The following JADE1 variants were observed in gnomAD, a reference collection of about 807,000 sequenced individuals.
JADE1 encodes jade family PHD finger 1, also known as protein Jade-1.
JADE1 carries 14 observed loss-of-function variants against 81.8 expected under a neutral mutation model. The ratio of observed to expected loss-of-function variants is 0.17; its 90% CI spans 0.11 to 0.27. The LOEUF (loss-of-function observed/expected upper bound fraction) is 0.27. Ranked by LOEUF, JADE1 falls within the 10% of genes least tolerant of loss-of-function variation. The pLI is 1.00. For missense variants in JADE1, 690 were observed against 1,047.9 expected (o/e 0.66, Z 4.71); for synonymous variants, 353 against 391.9 (o/e 0.90, Z 1.17).
chr4:128,862,067 T>A lies in JADE1; in HGVS notation c.1345T>A (p.Phe449Ile). The stretch of plus-strand genomic sequence containing the variant: ...GCGGCTGCCTGAGGAAGTAGTGGAT[T>A]TCCTGTACCAGTACTGGAAGTTGAA... ...ALRLPEEVVD[F>I]LYQYWKLKRK... Residue 449 changes from phenylalanine (F) to isoleucine (I), a missense_variant, in exon 9 of 11, where the codon TTC (phenylalanine) becomes ATC (isoleucine). Physicochemically the swap from Phe to Ile is conservative, Grantham distance 21. Transcript: ENST00000226319. 1 of 1,614,146 alleles carries A rather than the reference T, an allele frequency of 6.2e-7. No individual in the cohort carries two copies. Among genetic ancestry groups the A allele is most frequent in the East Asian group, 2.2e-5 (1 of 44,878 alleles).
At chr4:128,823,236 A>G (rs1727741590) in intron 1 of JADE1, among the ~76,000 whole-genome samples, 1 of 152,218 alleles carries the variant, frequency 6.6e-6, no homozygotes, top group South Asian at 2.1e-4. Context: ...GAAGGGGTTT[A>G]ATAGATTGCC....
chr4:128,868,685 G>C (rs1731964210), intron 10 of JADE1, among the ~76,000 whole-genome samples: 1 of 152,130 alleles, frequency 6.6e-6, no homozygotes, highest in Non-Finnish European at 1.5e-5. Context: ...CTTAAAGTTT[G>C]TTTTAGAATC....
intron 2 of JADE1, among the ~76,000 whole-genome samples, chr4:128,833,549 G>A (rs1579143192): frequency 1.3e-5 from 2 of 152,094 alleles, no homozygotes; most frequent in Non-Finnish European, 2.9e-5. Context: ...CTAAAAATTA[G>A]CTGGGCATGA....
In JADE1 at chr4:128,861,842, C is replaced by A; in HGVS notation, c.1120C>A (p.Pro374Thr). ...YCPKHSSHRK[P>T]EESLGKGAAQ... ...CCCAAAGCACAGCTCACATAGGAAA[C>A]CCGAGGAGAGTCTTGGCAAGGGGGC... Residue 374 changes from proline to threonine, a missense_variant, in exon 9 of 11, where the codon CCC becomes ACC. Physicochemically the swap from Pro to Thr is conservative, Grantham distance 38 (BLOSUM62 -1). This residue lies in a region of JADE1 where 77 missense variants were observed against 76.4 expected (regional missense o/e 1.01). Transcript: ENST00000226319. The A allele has an allele frequency of 1.2e-6, 2 of 1,614,168 alleles. No individual in the cohort carries two copies. Among genetic ancestry groups the A allele is most frequent in the Middle Eastern group, 1.6e-4 (1 of 6,062 alleles).
At chr4:128,844,416 TCCAG>T (rs1175544939) in intron 3 of JADE1, among the ~76,000 whole-genome samples, 6 of 152,220 alleles carry the variant, frequency 3.9e-5, no homozygotes, top group African/African-American at 1.4e-4. Flanking sequence ...TACCAGAGAC[TCCAG>T]AGTTGACGTC....
intron 4 of JADE1, among the ~76,000 whole-genome samples, chr4:128,848,332 T>C (rs1408272275): frequency 6.6e-6 from 1 of 152,060 alleles, no homozygotes; most frequent in Non-Finnish European, 1.5e-5. Context: ...GCGTGTGCCA[T>C]CATACCTGGC....
intron 1 of JADE1, among the ~76,000 whole-genome samples, chr4:128,816,674 G>GA (rs970482596): frequency 1.4e-4 from 22 of 152,294 alleles, no homozygotes; most frequent in African/African-American, 5.1e-4. Context: ...TAATCCCTTA[G>GA]ACCCATAGTG....
At chr4:128,865,984 T>G (rs1303503359) in intron 9 of JADE1, among the ~76,000 whole-genome samples, 1 of 152,232 alleles carries the variant, frequency 6.6e-6, no homozygotes, top group East Asian at 1.9e-4. Flanking sequence ...TCCTTGTTAA[T>G]GTAAAAATGG....
At chr4:128,820,188 T>G (rs1269142141) in intron 1 of JADE1, among the ~76,000 whole-genome samples, 1 of 152,082 alleles carries the variant, frequency 6.6e-6, no homozygotes, top group Non-Finnish European at 1.5e-5. Flanking sequence ...CTTGGCTCAC[T>G]GCAACCTCCA....
At chr4:128,818,913 G>A (rs764857233) in intron 1 of JADE1, among the ~76,000 whole-genome samples, 21 of 152,050 alleles carry the variant, frequency 1.4e-4, no homozygotes, top group Non-Finnish European at 2.2e-4. Context: ...GTGCAGTGGT[G>A]TAAATTCCAG....
At chr4:128,831,939 C>A in intron 2 of JADE1, 129 bp downstream of exon 2, 1 of 816,226 alleles carries the variant, frequency 1.2e-6, no homozygotes, top group Non-Finnish European at 2.1e-6. Context: ...AAGCCAAAGC[C>A]TGGAGAAACG....
chr4:128,814,039 T>C (rs532060233), intron 1 of JADE1, among the ~76,000 whole-genome samples: 1 of 150,262 alleles, frequency 6.7e-6, no homozygotes, highest in East Asian at 2.0e-4. Flanking sequence ...TGTGTTCATT[T>C]AAAAGAAAAA....
chr4:128,824,713 G>A (rs1727891250), intron 1 of JADE1, among the ~76,000 whole-genome samples: 1 of 152,178 alleles, frequency 6.6e-6, no homozygotes, highest in Non-Finnish European at 1.5e-5. Context: ...ACATAGTATT[G>A]CATTGGGTGA....
chr4:128,852,068 C>G lies in JADE1; in HGVS notation c.496C>G (p.Leu166Val). The stretch of plus-strand genomic sequence containing the variant: ...ATTTTTAACTTCAGGAATGCCTGAA[C>G]TAGATGAATACACCATGGAGAGGGT... ...EEFKEMGMPE[L>V]DEYTMERVLE... The change falls in exon 6 of 11, where the codon CTA becomes GTA. Residue 166 changes from leucine to valine, a missense_variant. Leu to Val is a conservative substitution (Grantham distance 32, BLOSUM62 1). Around this residue, in one of 8 missense-constraint regions of JADE1, gnomAD observed 98 missense variants for 161.3 expected, o/e 0.61. Transcript: ENST00000226319. The G allele has an allele frequency of 6.2e-7, 1 of 1,612,628 alleles. No homozygotes were observed. Among genetic ancestry groups the G allele is most frequent in the Non-Finnish European group, 8.5e-7 (1 of 1,178,724 alleles).
chr4:128,819,222 G>A (rs1295594436), intron 1 of JADE1, among the ~76,000 whole-genome samples: 1 of 151,686 alleles, frequency 6.6e-6, no homozygotes, highest in African/African-American at 2.4e-5. Context: ...GCTACGCTGA[G>A]GGCTGTGGGT....
chr4:128,812,015 C>T (rs534897852), intron 1 of JADE1: 1 of 152,012 alleles, frequency 6.6e-6, no homozygotes, highest in Non-Finnish European at 1.5e-5. Context: ...ACGGCGCGGC[C>T]GTTTCCAGCG....
At chr4:128,828,937 G>T (rs1185708995) in intron 1 of JADE1, among the ~76,000 whole-genome samples, 1 of 152,132 alleles carries the variant, frequency 6.6e-6, no homozygotes, top group Non-Finnish European at 1.5e-5. Flanking sequence ...GAGCCACCGC[G>T]ACCAGCCTAG....
At chr4:128,835,499 C>G (rs1182220220) in intron 2 of JADE1, among the ~76,000 whole-genome samples, 1 of 152,142 alleles carries the variant, frequency 6.6e-6, no homozygotes, top group East Asian at 1.9e-4. Flanking sequence ...AACTGGGTGG[C>G]CTGCGTCATG....
chr4:128,852,178 A>T lies in JADE1; in HGVS notation c.606A>T (p.Glu202Asp). 6.2e-7 allele frequency: 1 copy of T among 1,614,158 alleles called. No homozygotes were observed. Among genetic ancestry groups the T allele is most frequent in the Non-Finnish European group, 8.5e-7 (1 of 1,180,012 alleles). The change falls in exon 6 of 11, where the codon GAA becomes GAT. Residue 202 changes from glutamate to aspartate, a missense_variant. By Grantham distance (45) the Glu-to-Asp change is conservative. Coordinates refer to ENST00000226319, the MANE Select transcript of JADE1 (RefSeq NM_199320.4). Reference protein sequence around the residue: ...TEEGLGIEYDEDVVCDVCQSP... With the variant: ...TEEGLGIEYDDDVVCDVCQSP... ...AAGGCCTGGGGATCGAATATGATGAAGATGTTGTCTGTGATGTCTGCCAGT... is the reference window on the plus strand; with the variant it reads ...AAGGCCTGGGGATCGAATATGATGATGATGTTGTCTGTGATGTCTGCCAGT...
Sources: allele counts gnomAD v4.1 joint callset (sites outside exome capture counted in the v4.1 genomes callset), GRCh38; gene constraint gnomAD v4.1.1; regional missense constraint gnomAD v4.1.1; transcripts MANE v1.5; gene names NCBI Gene and HGNC (gene_info 2026-07-23, HGNC 2026-07-21).